The following CHD9 variants were observed in gnomAD, a reference collection of about 807,000 sequenced individuals.
CHD9 encodes the protein ATP-dependent chromatin remodeler CHD9.
A neutral mutation model predicts 316.1 loss-of-function variants in CHD9; 77 were observed. The ratio of observed to expected loss-of-function variants is 0.24; its 90% CI spans 0.20 to 0.29. The LOEUF is 0.29. Ranked by LOEUF, CHD9 falls within the 10% of genes least tolerant of loss-of-function variation. The pLI is 1.00. For synonymous variants in CHD9, 1,129 were observed against 1,158.3 expected, an observed-to-expected ratio of 0.97 and a Z score of 0.51; for missense variants, 2,763 against 3,438.1, an observed-to-expected ratio of 0.80 and a Z score of 4.91.
In CHD9 at chr16:53,267,391, AAGG is replaced by A; in HGVS notation, c.4421_4423del (p.Gly1474del). The A allele has an allele frequency of 6.2e-7, 1 of 1,613,088 alleles. No homozygotes were observed. The highest frequency in any genetic ancestry group is 8.5e-7 in the Non-Finnish European group (1 of 1,179,342). On this transcript the variant is annotated inframe_deletion, in exon 21 of 39. Transcript: ENST00000447540. ...GCTGAATTATCTGAAGCTGAAAGTG[AAGG>A]AGATGAAAAGCCCAAACTCCGGAGA... is the stretch of plus-strand genomic sequence containing the variant.
chr16:53,059,172 C>A (rs1055147862), intron 1 of CHD9, among the ~76,000 whole-genome samples: 1 of 152,158 alleles, frequency 6.6e-6, no homozygotes, highest in Non-Finnish European at 1.5e-5. Context: ...AATCTCAGGA[C>A]GTGGGCTGGA....
chr16:53,316,329 G>A (rs1164539094), intron 36 of CHD9, among the ~76,000 whole-genome samples: 1 of 152,098 alleles, frequency 6.6e-6, no homozygotes, highest in East Asian at 1.9e-4. Flanking sequence ...GGATTACTAT[G>A]TACTACTTAT....
In CHD9 at chr16:53,156,902, T is replaced by C. The variant is rs777745047; in HGVS notation, c.813T>C (p.Ser271=). The change falls in exon 2 of 39, where the codon TCT becomes TCC. Residue 271 remains serine (S), a synonymous_variant. Coordinates refer to ENST00000447540, the MANE Select transcript of CHD9 (RefSeq NM_001308319.2). ...CTGTCAGTAATTCACAGCAATTTTC[T>C]TCACATTATTCCTTTTCCAGTAATC... is the stretch of plus-strand genomic sequence containing the variant. ...SCSVSNSQQF[S]SHYSFSSNHI... The C allele has an allele frequency of 3.1e-6, 5 of 1,613,754 alleles. No individual in the cohort carries two copies. Among genetic ancestry groups the C allele is most frequent in the Non-Finnish European group, 4.2e-6 (5 of 1,179,704 alleles).
At chr16:53,091,162 G>C (rs1413458909) in intron 1 of CHD9, among the ~76,000 whole-genome samples, 2 of 152,164 alleles carry the variant, frequency 1.3e-5, no homozygotes. Flanking sequence ...TCCTCCTGGG[G>C]GTTCAGAGTG....
chr16:53,158,937 T>G (rs1167047268), intron 2 of CHD9, among the ~76,000 whole-genome samples: 1 of 152,152 alleles, frequency 6.6e-6, no homozygotes, highest in Non-Finnish European at 1.5e-5. Flanking sequence ...CTGCCCAGTC[T>G]TAAGTGTTTT....
intron 1 of CHD9, among the ~76,000 whole-genome samples, chr16:53,076,547 C>A (rs2034544067): frequency 6.6e-6 from 1 of 151,848 alleles, no homozygotes; most frequent in African/African-American, 2.4e-5. Context: ...GGCACTCCAG[C>A]CTGGATGACA....
At chr16:53,113,364 C>T (rs1190879257) in intron 1 of CHD9, among the ~76,000 whole-genome samples, 13 of 116,022 alleles carry the variant, frequency 1.1e-4, no homozygotes, top group South Asian at 2.9e-4. Context: ...AATCTTGGCA[C>T]TTTTTTTTTT....
chr16:53,139,155 A>G (rs1230817853), intron 1 of CHD9, among the ~76,000 whole-genome samples: 1 of 152,210 alleles, frequency 6.6e-6, no homozygotes, highest in Non-Finnish European at 1.5e-5. Context: ...CCATCTGAAA[A>G]GATGGTTATT....
chr16:53,305,095 T>G (rs1009354014), intron 31 of CHD9, among the ~76,000 whole-genome samples: 26 of 148,934 alleles, frequency 1.7e-4, no homozygotes, highest in African/African-American at 6.4e-4. Flanking sequence ...GGAGTCTCGC[T>G]CTGTCGCCCA....
intron 3 of CHD9, among the ~76,000 whole-genome samples, chr16:53,222,291 G>C (rs1458949333): frequency 1.3e-5 from 2 of 152,044 alleles, no homozygotes; most frequent in Non-Finnish European, 2.9e-5. Flanking sequence ...AGCCAGGCTG[G>C]TCTCGAACTC....
intron 20 of CHD9, among the ~76,000 whole-genome samples, chr16:53,264,752 A>C (rs2051487165): frequency 6.6e-6 from 1 of 152,170 alleles, no homozygotes; most frequent in Non-Finnish European, 1.5e-5. Context: ...GAAGAGAAAG[A>C]GCCAATACAC....
chr16:53,200,242 G>A (rs2045329976), intron 2 of CHD9, among the ~76,000 whole-genome samples: 1 of 151,932 alleles, frequency 6.6e-6, no homozygotes, highest in Non-Finnish European at 1.5e-5. Context: ...GTGGTGGTGT[G>A]CACCTATAGT....
chr16:53,306,746 T>C (rs1844420097), intron 32 of CHD9, among the ~76,000 whole-genome samples: 1 of 152,142 alleles, frequency 6.6e-6, no homozygotes, highest in South Asian at 2.1e-4. Flanking sequence ...TTTAAATACA[T>C]GTACATTCAG....
intron 1 of CHD9, among the ~76,000 whole-genome samples, chr16:53,136,727 A>G (rs527730213): frequency 4.3e-4 from 66 of 152,274 alleles, no homozygotes; most frequent in Non-Finnish European, 5.7e-4. Flanking sequence ...ATTCCAATAT[A>G]TGAACACACT....
At chr16:53,102,857 T>C (rs2037003125) in intron 1 of CHD9, among the ~76,000 whole-genome samples, 1 of 151,908 alleles carries the variant, frequency 6.6e-6, no homozygotes, top group African/African-American at 2.4e-5. Context: ...CTCTTTCTTT[T>C]TTTGGGGGGA....
Position 53,304,239 on chromosome 16 carries a change from T to C in CHD9, c.6233T>C (p.Val2078Ala). The C allele has an allele frequency of 6.2e-7, 1 of 1,611,158 alleles. No individual in the cohort carries two copies. Among genetic ancestry groups the C allele is most frequent in the Non-Finnish European group, 8.5e-7 (1 of 1,178,784 alleles). The change falls in exon 31 of 39, where the codon GTA (valine) becomes GCA (alanine). Residue 2078 changes from valine to alanine, a missense_variant. By Grantham distance (64) the Val-to-Ala change is moderately conservative. Around this residue, in one of 15 missense-constraint regions of CHD9, gnomAD observed 663 missense variants for 751.2 expected, o/e 0.88. Coordinates refer to ENST00000447540, the MANE Select transcript of CHD9 (RefSeq NM_001308319.2). ...AGGACACTAATAAAATCTGAGCCTG[T>C]AAGTCCAAAGAATGGTGTTTTACCA... ...ETRTLIKSEP[V>A]SPKNGVLPQA...
In CHD9 at chr16:53,118,822, T is replaced by G. The variant is rs554914746; in HGVS notation, c.-164-37104T>G. On this transcript the variant is annotated intron_variant, in intron 1 of 38. Transcript: ENST00000447540. ...TTTTTTTTTTTTTTTTGACAGAGTC[T>G]TGCTCTGTTGCCAAGACTGGAGTGC... 4.0e-5 allele frequency among the ~76,000 whole-genome samples: 6 copies of G among 149,716 alleles called. No homozygotes were observed. The South Asian group carries it at 1.3e-3, about 32-fold the overall frequency.
At chr16:53,205,750 A>G (rs1047599401) in intron 2 of CHD9, among the ~76,000 whole-genome samples, 4 of 152,174 alleles carry the variant, frequency 2.6e-5, no homozygotes, top group African/African-American at 7.2e-5. Flanking sequence ...GGTTCTTTGA[A>G]TAGTGTCAGT....
chr16:53,075,980 T>C (rs1386220752), intron 1 of CHD9, among the ~76,000 whole-genome samples: 1 of 152,202 alleles, frequency 6.6e-6, no homozygotes, highest in Non-Finnish European at 1.5e-5. Context: ...GGCATCTCAT[T>C]ATAGCTTTGA....
Sources: allele counts gnomAD v4.1 joint callset (sites outside exome capture counted in the v4.1 genomes callset), GRCh38; gene constraint gnomAD v4.1.1; regional missense constraint gnomAD v4.1.1; transcripts MANE v1.5; gene names NCBI Gene and HGNC (gene_info 2026-07-23, HGNC 2026-07-21).